The following RTP5 variants were observed in gnomAD, a reference collection of about 807,000 sequenced individuals.
RTP5 encodes receptor-transporting protein 5.
A neutral mutation model predicts 23.5 loss-of-function variants in RTP5; 30 were observed. The observed-to-expected ratio is 1.27, with a 90% CI of 0.95 to 1.73. RTP5 has a LOEUF of 1.73. Among genes scored for constraint, RTP5 ranks in the 40% most tolerant of loss-of-function variants. The pLI, the probability that RTP5 is intolerant of heterozygous loss-of-function variation, is 0.00. For synonymous variants in RTP5, 354 were observed against 342.1 expected (o/e 1.03, Z -0.38); for missense variants, 807 against 784.2 (o/e 1.03, Z -0.35).
rs753790633 is a variant in RTP5 at position 241,871,878 on chromosome 2, C to A, written c.323C>A (p.Pro108Gln). 1 of 1,549,436 alleles carries A rather than the reference C, an allele frequency of 6.5e-7. No homozygotes were observed. Among genetic ancestry groups the A allele is most frequent in the Non-Finnish European group, 8.7e-7 (1 of 1,144,506 alleles). The change falls in exon 2 of 2, where the codon CCG becomes CAG. Residue 108 changes from proline to glutamine, a missense_variant. Pro to Gln is a moderately conservative substitution (Grantham distance 76, BLOSUM62 -1). Coordinates refer to ENST00000343216, the MANE Select transcript of RTP5 (RefSeq NM_173821.3). ...PAPGDCQVRP[P>Q]GEQPFLSRLV... ...CCCGGGGACTGCCAGGTGAGGCCCC[C>A]GGGCGAGCAGCCCTTCCTCAGCAGG...
chr2:241,871,053 A>G (rs28380696), intron 1 of RTP5: 85,772 of 470,568 alleles, frequency 0.18, 12,370 homozygotes, highest in East Asian at 0.62. Context: ...GATGACCGCC[A>G]TGGACAAGCC....
intron 1 of RTP5, 122 bp from the exon 2 acceptor site, chr2:241,871,592 G>A (rs1215757272): frequency 1.5e-6 from 2 of 1,309,874 alleles, no homozygotes; most frequent in South Asian, 1.6e-5. Flanking sequence ...AGTGTGGGAT[G>A]TGAGGCAGGG....
chr2:241,871,650 G>A (rs1313279880), intron 1 of RTP5, 64 bp from the exon 2 acceptor site: 4 of 1,505,444 alleles, frequency 2.7e-6, no homozygotes, highest in Non-Finnish European at 3.5e-6. Context: ...GCAGAGCAGA[G>A]TGCGAGGGCT....
At chr2:241,870,416 G>A (rs1701296561) in intron 1 of RTP5, among the ~76,000 whole-genome samples, 2 of 152,374 alleles carry the variant, frequency 1.3e-5, no homozygotes, top group Admixed American at 6.5e-5. Context: ...CAGGGCGGGC[G>A]CCATGCGCTT....
At chr2:241,871,565 G>T (rs1394634090) in intron 1 of RTP5, 149 bp from the exon 2 acceptor site, 1 of 1,135,972 alleles carries the variant, frequency 8.8e-7, no homozygotes, top group African/African-American at 1.6e-5. Context: ...TGGCTGGGGG[G>T]TGAGGTTTGA....
Position 241,871,724 on chromosome 2 carries a change from G to C in RTP5, c.169G>C (p.Gly57Arg). 6.2e-7 allele frequency: 1 copy of C among 1,605,364 alleles called. No individual in the cohort carries two copies. Among genetic ancestry groups the C allele is most frequent in the South Asian group, 1.1e-5 (1 of 89,692 alleles). ...CTTTCCCCGCCGCAGGCTCCAGTGC[G>C]GTCACTGTCCGGGGACCTGGGACTC... ...LLVGLSRLQC[G>R]HCPGTWDSAH... The change falls in exon 2 of 2, where the codon GGT becomes CGT. Residue 57 changes from glycine to arginine, a missense_variant. Physicochemically the swap from Gly to Arg is moderately radical, Grantham distance 125. Transcript: ENST00000343216.
In RTP5 at chr2:241,871,954, C is replaced by A. The variant is rs1234342428; in HGVS notation, c.399C>A (p.Ala133=). ...QDCYGDGPGP[A]RHPREAYEGC... ...GCTACGGGGATGGCCCCGGCCCAGC[C>A]CGGCACCCCAGGGAGGCCTATGAGG... The change falls in exon 2 of 2, where the codon GCC becomes GCA. Residue 133 remains alanine (A), a synonymous_variant. Transcript: ENST00000343216. 9 of 1,592,876 alleles carry A rather than the reference C, an allele frequency of 5.7e-6. No individual in the cohort carries two copies. Among genetic ancestry groups the A allele is most frequent in the Non-Finnish European group, 6.8e-6 (8 of 1,169,668 alleles).
intron 1 of RTP5, among the ~76,000 whole-genome samples, chr2:241,870,425 T>C (rs1701296734): frequency 6.6e-6 from 1 of 152,252 alleles, no homozygotes; most frequent in African/African-American, 2.4e-5. Context: ...CGCCATGCGC[T>C]TCTCCAACTG....
Position 241,872,603 on chromosome 2 carries a change from A to G in RTP5, c.1048A>G (p.Thr350Ala). Reference sequence around the variant, plus strand: ...CCCCTCCTCCCTCACCAGCATCTTCACCAACACCCTCTCGGAGCCCACCGA... The same window carrying G: ...CCCCTCCTCCCTCACCAGCATCTTCGCCAACACCCTCTCGGAGCCCACCGA... ...TFPSSLTSIF[T>A]NTLSEPTDGP... Residue 350 changes from threonine (T) to alanine (A), a missense_variant, in exon 2 of 2, where the codon ACC (threonine) becomes GCC (alanine). Physicochemically the swap from Thr to Ala is moderately conservative, Grantham distance 58. Coordinates refer to ENST00000343216, the MANE Select transcript of RTP5 (RefSeq NM_173821.3). 1 of 1,538,958 alleles carries G rather than the reference A, an allele frequency of 6.5e-7. No homozygotes were observed. Among genetic ancestry groups the G allele is most frequent in the Non-Finnish European group, 8.7e-7 (1 of 1,144,058 alleles).
intron 1 of RTP5, among the ~76,000 whole-genome samples, chr2:241,871,358 G>A (rs746106671): frequency 6.6e-6 from 1 of 152,244 alleles, no homozygotes; most frequent in African/African-American, 2.4e-5. Flanking sequence ...GACGCCTCAC[G>A]GAGGCCAGGC....
chr2:241,870,863 G>A, intron 1 of RTP5: 1 of 457,056 alleles, frequency 2.2e-6, no homozygotes, highest in South Asian at 1.6e-5. Flanking sequence ...CCTCCAGCAC[G>A]AACGTGTCCA....
At position 241,871,967 on chromosome 2, in the gene RTP5, G is replaced by A. The variant is rs532801065; in HGVS notation, c.412G>A (p.Glu138Lys). 1.7e-5 allele frequency: 27 copies of A among 1,590,936 alleles called. No individual in the cohort carries two copies. In the East Asian group the frequency reaches 6.1e-4, roughly 36 times the overall value. Reference sequence around the variant, plus strand: ...CCCCGGCCCAGCCCGGCACCCCAGGGAGGCCTATGAGGGCTGCTGTGAGGC... The same window carrying A: ...CCCCGGCCCAGCCCGGCACCCCAGGAAGGCCTATGAGGGCTGCTGTGAGGC... Reference protein sequence around the residue: ...DGPGPARHPREAYEGCCEACE... With the variant: ...DGPGPARHPRKAYEGCCEACE... The change falls in exon 2 of 2, where the codon GAG becomes AAG. Residue 138 changes from glutamate to lysine, a missense_variant. Physicochemically the swap from Glu to Lys is moderately conservative, Grantham distance 56. Coordinates refer to ENST00000343216, the MANE Select transcript of RTP5 (RefSeq NM_173821.3).
At chr2:241,871,509 G>A (rs1701315680) in intron 1 of RTP5, among the ~76,000 whole-genome samples, 1 of 152,228 alleles carries the variant, frequency 6.6e-6, no homozygotes, top group African/African-American at 2.4e-5. Context: ...CAGAGCCTCG[G>A]CACAGGCAGG....
Position 241,872,148 on chromosome 2 carries a change from G to A in RTP5, c.593G>A (p.Gly198Asp). 2 of 1,611,460 alleles carry A rather than the reference G, an allele frequency of 1.2e-6. No individual in the cohort carries two copies. Among genetic ancestry groups the A allele is most frequent in the Non-Finnish European group, 1.7e-6 (2 of 1,178,846 alleles). The change falls in exon 2 of 2, where the codon GGT becomes GAT. Residue 198 changes from glycine (G) to aspartate (D), a missense_variant. Coordinates refer to ENST00000343216, the MANE Select transcript of RTP5 (RefSeq NM_173821.3). ...ACCCCTGGCGACGACCTTGGCAAGG[G>A]TGGCGTTGTCATCGCCATCCCCTTC... ...LSTPGDDLGK[G>D]GVVIAIPFSL... is the part of the protein sequence containing the mutation.
Position 241,872,876 on chromosome 2 carries a change from G to A in RTP5, c.1321G>A (p.Gly441Ser), listed in dbSNP as rs377731417. ...GKDAFTDITE[G>S]KEKEGGLVTA... ...AGATGCCTTTACTGACATCACTGAA[G>A]GCAAAGAGAAGGAAGGTGGCCTGGT... is the stretch of plus-strand genomic sequence containing the variant. Residue 441 changes from glycine to serine, a missense_variant, in exon 2 of 2, where the codon GGC becomes AGC. Transcript: ENST00000343216. 1 of 1,612,786 alleles carries A rather than the reference G, an allele frequency of 6.2e-7. No individual in the cohort carries two copies. The highest frequency in any genetic ancestry group is 8.5e-7 in the Non-Finnish European group (1 of 1,179,978).
At position 241,873,465 on chromosome 2, in the gene RTP5, C is replaced by T. The variant is rs1169378208; in HGVS notation, c.*191C>T. 8.7e-5 allele frequency: 47 copies of T among 537,524 alleles called. 2 individuals carry two copies. The Admixed American group carries it at 9.6e-4, about 11-fold the overall frequency. 33.3% of individuals were successfully genotyped at this position (537,524 alleles called of 1,614,324 possible). A position where few individuals can be genotyped will look rare whatever the true frequency, so the allele number is the denominator to read the frequency against. On this transcript the variant is annotated 3_prime_UTR_variant, in exon 2 of 2. Coordinates refer to ENST00000343216, the MANE Select transcript of RTP5 (RefSeq NM_173821.3). ...AGACCCCGCCCTGCCTCTGAGACCC[C>T]GCCTCACCTCTGAGACACCCCCCAA...
chr2:241,872,964 G>T lies in RTP5; in HGVS notation c.1409G>T (p.Gly470Val). Reference protein sequence around the residue: ...NAEGPITVSEGCITIPFAVFD... With the variant: ...NAEGPITVSEVCITIPFAVFD... Reference sequence around the variant, plus strand: ...GAGGGCCCCATCACGGTTAGTGAGGGCTGCATCACCATCCCCTTCGCAGTC... The same window carrying T: ...GAGGGCCCCATCACGGTTAGTGAGGTCTGCATCACCATCCCCTTCGCAGTC... Residue 470 changes from glycine to valine, a missense_variant, in exon 2 of 2, where the codon GGC becomes GTC. Coordinates refer to ENST00000343216, the MANE Select transcript of RTP5 (RefSeq NM_173821.3). 6.2e-7 allele frequency: 1 copy of T among 1,613,110 alleles called. No homozygotes were observed.
At chr2:241,871,452 C>T (rs1305534325) in intron 1 of RTP5, among the ~76,000 whole-genome samples, 12 of 152,214 alleles carry the variant, frequency 7.9e-5, no homozygotes, top group African/African-American at 1.2e-4. Flanking sequence ...CGGGCTAGTG[C>T]GCATGGGCCT....
intron 1 of RTP5, chr2:241,870,875 G>T (rs923983627): frequency 2.2e-6 from 1 of 463,242 alleles, no homozygotes; most frequent in South Asian, 1.6e-5. Flanking sequence ...ACGTGTCCAC[G>T]GGCTCTGTGG....
Sources: allele counts gnomAD v4.1 joint callset (sites outside exome capture counted in the v4.1 genomes callset), GRCh38; gene constraint gnomAD v4.1.1; transcripts MANE v1.5; gene names NCBI Gene and HGNC (gene_info 2026-07-23, HGNC 2026-07-21).